The following CHD3 variants were observed in gnomAD, a reference collection of about 807,000 sequenced individuals.
CHD3 encodes the protein ATP-dependent chromatin remodeler CHD3.
CHD3 carries 52 observed loss-of-function variants against 248.9 expected under a neutral mutation model. That is an observed-to-expected ratio of 0.21 (90% CI 0.17 to 0.26). The LOEUF (loss-of-function observed/expected upper bound fraction) is 0.26. Among genes scored for constraint, CHD3 ranks in the 10% least tolerant of loss-of-function variants. CHD3 has a pLI of 1.00. For synonymous variants in CHD3, 985 were observed against 985.2 expected (o/e 1.00, Z 0.00); for missense variants, 1,482 against 2,605.8 (o/e 0.57, Z 9.39).
chr17:7,898,138 A>T, intron 12 of CHD3, 36 bp downstream of exon 12: 4 of 1,608,788 alleles, frequency 2.5e-6, no homozygotes, highest in Non-Finnish European at 3.4e-6. Context: ...AGGGATTCTG[A>T]CGATGAGGGC....
At position 7,911,011 on chromosome 17, in the gene CHD3, C is replaced by T. The variant is rs762675472; in HGVS notation, c.5881+38C>T. On this transcript the variant is annotated intron_variant, in intron 39 of 39. Coordinates refer to ENST00000330494, the MANE Select transcript of CHD3 (RefSeq NM_001005273.3). This position sits in a 1 kb window ranked among gnomAD's most constrained non-coding sequence, Gnocchi z 5.4. ...TTTCCTACCCCCTGCTACTCACACTCCTCCTTTGCCAAACTTTATTTCTGC... is the reference window on the plus strand; with the variant it reads ...TTTCCTACCCCCTGCTACTCACACTTCTCCTTTGCCAAACTTTATTTCTGC... 2 of 1,609,278 alleles carry T rather than the reference C, an allele frequency of 1.2e-6. No homozygotes were observed. The highest frequency in any genetic ancestry group is 8.5e-7 in the Non-Finnish European group (1 of 1,178,612).
chr17:7,894,857 C>T, intron 8 of CHD3, 60 bp from the exon 9 acceptor site: 1 of 1,592,860 alleles, frequency 6.3e-7, no homozygotes, highest in South Asian at 1.1e-5. Flanking sequence ...TTGCCTGTAT[C>T]TTCCAGTTTC....
chr17:7,886,076 C>T (rs1271142112), upstream of CHD3, among the ~76,000 whole-genome samples: 1 of 152,202 alleles, frequency 6.6e-6, no homozygotes, highest in Non-Finnish European at 1.5e-5. The surrounding 1 kb of genome is among the most constrained non-coding windows in gnomAD (Gnocchi z 4.2). Context: ...AGCTGTGACT[C>T]TCACGTGGCT....
rs1969562078 is a variant in CHD3 at position 7,895,813 on chromosome 17, T to G, written c.1707+271T>G. ...CTTATCTGTCTTTTTCCATGTTTTA[T>G]AATATTCCTGGCTGGGCATGGTGGC... is the stretch of plus-strand genomic sequence containing the variant. On this transcript the variant is annotated intron_variant, in intron 10 of 39. Transcript: ENST00000330494. This position sits in a 1 kb window ranked among gnomAD's most constrained non-coding sequence, Gnocchi z 4.9. 6.6e-6 allele frequency among the ~76,000 whole-genome samples: 1 copy of G among 152,150 alleles called. No individual in the cohort carries two copies. Among genetic ancestry groups the G allele is most frequent in the Non-Finnish European group, 1.5e-5 (1 of 68,026 alleles).
Position 7,895,491 on chromosome 17 carries a change from C to G in CHD3, c.1656C>G (p.Val552=), listed in dbSNP as rs778986150. The change falls in exon 10 of 40, where the codon GTC becomes GTG. Residue 552 remains valine, a synonymous_variant. Transcript: ENST00000330494. This position sits in a 1 kb window ranked among gnomAD's most constrained non-coding sequence, Gnocchi z 4.9. ...GCAGATCAGAGCGAGAGTTCTTTGTCAAGTGGGTAGGACTATCCTACTGGC... is the reference window on the plus strand; with the variant it reads ...GCAGATCAGAGCGAGAGTTCTTTGTGAAGTGGGTAGGACTATCCTACTGGC... The part of the protein sequence containing the change: ...LQGRSEREFF[V]KWVGLSYWHC... 13 of 1,614,126 alleles carry G rather than the reference C, an allele frequency of 8.1e-6. No homozygotes were observed. The Admixed American group carries it at 2.2e-4, about 27-fold the overall frequency.
At position 7,905,957 on chromosome 17, in the gene CHD3, G is replaced by A. The variant is rs376140622; in HGVS notation, c.4326G>A (p.Arg1442=). Residue 1442 remains arginine, a synonymous_variant, in exon 28 of 40, where the codon CGG becomes CGA. Coordinates refer to ENST00000330494, the MANE Select transcript of CHD3 (RefSeq NM_001005273.3). The surrounding 1 kb of genome is among the most constrained non-coding windows in gnomAD (Gnocchi z 5.8). ...CCTTCACCACACAGTGGCTGGTGCG[G>A]GACCTGAGGGGCAAGACTGAGAAGG... The part of the protein sequence containing the change: ...QDAFTTQWLV[R]DLRGKTEKEF... The A allele has an allele frequency of 5.8e-5, 94 of 1,614,164 alleles. No individual in the cohort carries two copies. Among genetic ancestry groups the A allele is most frequent in the Middle Eastern group, 3.3e-4 (2 of 6,062 alleles).
At chr17:7,888,211 G>A (rs926198388), upstream of CHD3, among the ~76,000 whole-genome samples, 1 of 152,194 alleles carries the variant, frequency 6.6e-6, no homozygotes, top group East Asian at 1.9e-4. Flanking sequence ...CACGCACACA[G>A]TCCTAGAGTG....
rs1227750600 is a variant in CHD3 at position 7,911,776 on chromosome 17, C to G, written c.*191C>G. ...TTTGTCTTTCTCCACTCCCACACACCTTTCCCACCAAGCCTTGAAGACTGT... is the reference window on the plus strand; with the variant it reads ...TTTGTCTTTCTCCACTCCCACACACGTTTCCCACCAAGCCTTGAAGACTGT... On this transcript the variant is annotated 3_prime_UTR_variant, in exon 40 of 40. Transcript: ENST00000330494. This position sits in a 1 kb window ranked among gnomAD's most constrained non-coding sequence, Gnocchi z 5.4. The G allele has an allele frequency of 4.0e-6, 6 of 1,494,724 alleles. No individual in the cohort carries two copies. Among genetic ancestry groups the G allele is most frequent in the African/African-American group, 2.8e-5 (2 of 71,670 alleles). The allele number at this position is 1,494,724 out of a possible 1,614,324, so 92.6% of individuals were successfully genotyped here.
At position 7,894,537 on chromosome 17, in the gene CHD3, G is replaced by A; in HGVS notation, c.1198G>A (p.Ala400Thr). ...EIILCDTCPR[A>T]YHLVCLDPEL... ...TATTCTGTGTGACACCTGCCCTCGT[G>A]CCTACCACCTCGTCTGCCTTGATCC... Residue 400 changes from alanine to threonine, a missense_variant, in exon 8 of 40, where the codon GCC becomes ACC. Around this residue, in one of 20 missense-constraint regions of CHD3, gnomAD observed 138 missense variants for 241.1 expected, o/e 0.57. Transcript: ENST00000330494. 1 of 1,614,052 alleles carries A rather than the reference G, an allele frequency of 6.2e-7. No individual in the cohort carries two copies. The highest frequency in any genetic ancestry group is 8.5e-7 in the Non-Finnish European group (1 of 1,179,986).
At position 7,899,672 on chromosome 17, in the gene CHD3, C is replaced by T; in HGVS notation, c.2544+129C>T. The T allele has an allele frequency of 9.5e-7, 1 of 1,051,112 alleles. No individual in the cohort carries two copies. The highest frequency in any genetic ancestry group is 1.4e-6 in the Non-Finnish European group (1 of 710,870). 65.1% of individuals were successfully genotyped at this position (1,051,112 alleles called of 1,614,324 possible). ...TCCTCCACCTGTCCTCCTGTCTCTG[C>T]ACTACCATCCTAGAGATATGGCAGG... On this transcript the variant is annotated intron_variant, in intron 15 of 39. Coordinates refer to ENST00000330494, the MANE Select transcript of CHD3 (RefSeq NM_001005273.3). This position sits in a 1 kb window ranked among gnomAD's most constrained non-coding sequence, Gnocchi z 6.8.
intron 10 of CHD3, among the ~76,000 whole-genome samples, chr17:7,896,874 G>T (rs942286732): frequency 6.6e-6 from 1 of 152,150 alleles, no homozygotes; most frequent in Non-Finnish European, 1.5e-5. Context: ...GGCCAGGCTG[G>T]TCTTGAACTC....
rs1971375764 is a variant in CHD3 at position 7,909,405 on chromosome 17, C to T, written c.5590+67C>T. 4.1e-6 allele frequency: 6 copies of T among 1,467,190 alleles called. No individual in the cohort carries two copies. Among genetic ancestry groups the T allele is most frequent in the Non-Finnish European group, 3.6e-6 (4 of 1,106,846 alleles). The allele number at this position is 1,467,190 out of a possible 1,614,324, so 90.9% of individuals were successfully genotyped here. On this transcript the variant is annotated intron_variant, in intron 37 of 39. Coordinates refer to ENST00000330494, the MANE Select transcript of CHD3 (RefSeq NM_001005273.3). This position sits in a 1 kb window ranked among gnomAD's most constrained non-coding sequence, Gnocchi z 8.1. ...GCTGCGTAAGTCTTCACCCCGCACCCCTCAAAATCTTCCCACCCCCTGACC... is the reference window on the plus strand; with the variant it reads ...GCTGCGTAAGTCTTCACCCCGCACCTCTCAAAATCTTCCCACCCCCTGACC...
At chr17:7,885,030 CGCCGCCGCCGCCGCCGCCACCGCT>C, upstream of CHD3, 1 of 1,114,828 alleles carries the variant, frequency 9.0e-7, no homozygotes, top group South Asian at 4.2e-5. Flanking sequence ...CTCTTCCCGC[CGCCGCCGCCGCCGCCGCCACCGCT>C]GCCCCCGCCG....
intron 20 of CHD3, 146 bp downstream of exon 20, chr17:7,901,521 T>TG: frequency 2.6e-6 from 2 of 774,412 alleles, no homozygotes; most frequent in Admixed American, 3.6e-5. Flanking sequence ...TTTTTTTTTT[T>TG]TTTTTTGAGA....
upstream of CHD3, chr17:7,884,984 CG>C: frequency 3.5e-6 from 4 of 1,133,238 alleles, no homozygotes; most frequent in Non-Finnish European, 4.3e-6. Context: ...GGGCCACGAC[CG>C]GGGCCGCGAC....
At position 7,904,654 on chromosome 17, in the gene CHD3, G is replaced by A. The variant is rs757406846; in HGVS notation, c.4072+35G>A. The stretch of plus-strand genomic sequence containing the variant: ...GCCCCAGATGCAGGCAGTAAAGGGG[G>A]GAAGTGATGATGAGTAGGGACTTGA... On this transcript the variant is annotated intron_variant, in intron 25 of 39. Transcript: ENST00000330494. This position sits in a 1 kb window ranked among gnomAD's most constrained non-coding sequence, Gnocchi z 4.4. The A allele has an allele frequency of 3.8e-6, 6 of 1,588,642 alleles. No individual in the cohort carries two copies. The highest frequency in any genetic ancestry group is 1.7e-5 in the Admixed American group (1 of 58,996).
Position 7,906,150 on chromosome 17 carries a change from G to GC in CHD3, c.4358+164dup. On this transcript the variant is annotated intron_variant, in intron 28 of 39. Coordinates refer to ENST00000330494, the MANE Select transcript of CHD3 (RefSeq NM_001005273.3). The surrounding 1 kb of genome is among the most constrained non-coding windows in gnomAD (Gnocchi z 5.0). The stretch of plus-strand genomic sequence containing the variant: ...CTCGATTTCCTGGGGGGTGGTCTCA[G>GC]CCCACTCCACCTCCCCTCAGCCGAG... 8.9e-7 allele frequency: 1 copy of GC among 1,128,332 alleles called. No homozygotes were observed. Among genetic ancestry groups the GC allele is most frequent in the Non-Finnish European group, 1.3e-6 (1 of 750,884 alleles). The allele number at this position is 1,128,332 out of a possible 1,614,324, so 69.9% of individuals were successfully genotyped here. A position where few individuals can be genotyped will look rare whatever the true frequency, so the allele number is the denominator to read the frequency against.
rs375492899 is a variant in CHD3 at position 7,907,626 on chromosome 17, G to C, written c.4950G>C (p.Arg1650Ser). The C allele has an allele frequency of 1.1e-4, 162 of 1,523,980 alleles. No individual in the cohort carries two copies. The highest frequency in any genetic ancestry group is 8.6e-4 in the South Asian group (67 of 77,862). 94.4% of individuals were successfully genotyped at this position (1,523,980 alleles called of 1,614,324 possible). A position where few individuals can be genotyped will look rare whatever the true frequency, so the allele number is the denominator to read the frequency against. Residue 1650 changes from arginine (R) to serine (S), a missense_variant, in exon 33 of 40, where the codon AGG (arginine) becomes AGC (serine). By Grantham distance (110) the Arg-to-Ser change is moderately radical (BLOSUM62 -1). This residue lies in a region of CHD3 where 254 missense variants were observed against 266.7 expected (regional missense o/e 0.95). Coordinates refer to ENST00000330494, the MANE Select transcript of CHD3 (RefSeq NM_001005273.3). The surrounding 1 kb of genome is among the most constrained non-coding windows in gnomAD (Gnocchi z 4.3). ...CCACAGAGTCGACGCCAGGAGAAAG[G>C]GGGGAGGAGAAGCCGTTGGATGGAC... ...KSATESTPGERGEEKPLDGQE... is the reference protein window; with the variant it reads ...KSATESTPGESGEEKPLDGQE...
Position 7,893,485 on chromosome 17 carries a change from T to TC in CHD3, c.711dup (p.Gly238ArgfsTer12). The TC allele has an allele frequency of 1.2e-6, 1 of 824,738 alleles. No homozygotes were observed. 51.1% of individuals were successfully genotyped at this position (824,738 alleles called of 1,614,324 possible). On this transcript the variant is annotated frameshift_variant, in exon 5 of 40. Transcript: ENST00000330494. LOFTEE classifies it high-confidence loss of function. Reference sequence around the variant, plus strand: ...CTCGTCGGCCACCCCCATAGCACCCTCCGGACCCCCCGCCCTTCCACCACC... The same window carrying TC: ...CTCGTCGGCCACCCCCATAGCACCCTCCCGGACCCCCCGCCCTTCCACCACC...
Sources: gnomAD v4.1 joint callset for allele counts (sites outside exome capture counted in the v4.1 genomes callset) on GRCh38, gnomAD v4.1.1 for gene constraint, gnomAD v4.1.1 regional missense constraint, Gnocchi (gnomAD v3.1) non-coding constraint, MANE v1.5 for transcripts, NCBI Gene and HGNC (gene_info 2026-07-23, HGNC 2026-07-21) for gene names.